Variants in PLEKHA5 observed in about 807,000 individuals in gnomAD.
PLEKHA5 encodes the protein pleckstrin homology domain containing A5.
A neutral mutation model predicts 181.9 loss-of-function variants in PLEKHA5; 55 were observed. That is an observed-to-expected ratio of 0.30 (90% CI 0.24 to 0.38). PLEKHA5 has a LOEUF of 0.38. PLEKHA5 is among the 10% of genes least tolerant of loss of function. The pLI, the probability that PLEKHA5 is intolerant of heterozygous loss-of-function variation, is 1.00. For missense variants in PLEKHA5, 1,432 were observed against 1,549.5 expected (o/e 0.92, Z 1.27); for synonymous variants, 535 against 529.4 (o/e 1.01, Z -0.15).
intron 3 of PLEKHA5, among the ~76,000 whole-genome samples, chr12:19,161,305 C>G (rs568139413): frequency 6.6e-6 from 1 of 152,256 alleles, no homozygotes; most frequent in East Asian, 1.9e-4. Flanking sequence ...CCCTTCCCCC[C>G]ACAGCTTATT....
At chr12:19,261,133 C>T in intron 7 of PLEKHA5, 112 bp downstream of exon 7, 1 of 543,194 alleles carries the variant, frequency 1.8e-6, no homozygotes, top group South Asian at 3.6e-5. Context: ...TTATTATCAA[C>T]AAATAGTATC....
Position 19,241,380 on chromosome 12 carries a change from G to A in PLEKHA5, c.228-12560G>A, listed in dbSNP as rs540317402. 4.4e-4 allele frequency among the ~76,000 whole-genome samples: 67 copies of A among 152,308 alleles called. No individual in the cohort carries two copies. The South Asian group carries it at 0.013, about 30-fold the overall frequency. ...CAATAGTGAAGAGTCTTGTTACAATGAGGTGGATTCAGATGCTGTTAAGAG... is the reference window on the plus strand; with the variant it reads ...CAATAGTGAAGAGTCTTGTTACAATAAGGTGGATTCAGATGCTGTTAAGAG... On this transcript the variant is annotated intron_variant, in intron 3 of 31. Transcript: ENST00000429027.
chr12:19,284,416 C>T (rs1592320754), intron 12 of PLEKHA5, among the ~76,000 whole-genome samples: 1 of 152,132 alleles, frequency 6.6e-6, no homozygotes, highest in African/African-American at 2.4e-5. Flanking sequence ...GGAAATTCTA[C>T]ACCTACTGTC....
intron 3 of PLEKHA5, among the ~76,000 whole-genome samples, chr12:19,192,753 C>A (rs1278106943): frequency 5.9e-5 from 9 of 152,016 alleles, no homozygotes; most frequent in Non-Finnish European, 1.3e-4. Flanking sequence ...AATTAGTAAA[C>A]CTAATCATTA....
chr12:19,345,432 TAAAAA>T (rs1355033826), intron 22 of PLEKHA5, among the ~76,000 whole-genome samples: 95 of 149,684 alleles, frequency 6.3e-4, no homozygotes, highest in African/African-American at 2.1e-3. Context: ...TAAAAATAAA[TAAAAA>T]TAAAAATAAA....
At chr12:19,317,169 C>G (rs1010483975) in intron 16 of PLEKHA5, among the ~76,000 whole-genome samples, 9 of 152,024 alleles carry the variant, frequency 5.9e-5, no homozygotes, top group Non-Finnish European at 1.0e-4. Context: ...GAGTTTGAGA[C>G]TAGCCTGGGC....
chr12:19,177,200 C>G (rs2047512340), intron 3 of PLEKHA5, among the ~76,000 whole-genome samples: 1 of 151,966 alleles, frequency 6.6e-6, no homozygotes, highest in African/African-American at 2.4e-5. Flanking sequence ...GGTAAGAACA[C>G]CTAAAATGTC....
intron 3 of PLEKHA5, among the ~76,000 whole-genome samples, chr12:19,240,389 C>A (rs2062277398): frequency 6.7e-6 from 1 of 148,968 alleles, no homozygotes; most frequent in Non-Finnish European, 1.5e-5. Flanking sequence ...TAATAAACTT[C>A]TATATAATGC....
intron 3 of PLEKHA5, among the ~76,000 whole-genome samples, chr12:19,207,022 A>G (rs1471717811): frequency 2.6e-5 from 4 of 152,176 alleles, no homozygotes; most frequent in Non-Finnish European, 5.9e-5. Context: ...ACAAACAAGT[A>G]TTGCTTTTCC....
intron 3 of PLEKHA5, among the ~76,000 whole-genome samples, chr12:19,194,739 T>G (rs2052211815): frequency 6.6e-6 from 1 of 152,194 alleles, no homozygotes; most frequent in East Asian, 1.9e-4. Flanking sequence ...GATTCAAAGT[T>G]GTATGAACAA....
At chr12:19,357,881 C>T (rs895953442) in intron 26 of PLEKHA5, among the ~76,000 whole-genome samples, 4 of 152,194 alleles carry the variant, frequency 2.6e-5, no homozygotes, top group Non-Finnish European at 4.4e-5. Flanking sequence ...CTCAAGTAAT[C>T]CACCCACCTC....
At chr12:19,362,775 A>G (rs1226049033) in intron 29 of PLEKHA5, among the ~76,000 whole-genome samples, 1 of 152,100 alleles carries the variant, frequency 6.6e-6, no homozygotes, top group Non-Finnish European at 1.5e-5. Context: ...AATTTTAAAA[A>G]GAGAGATAAA....
chr12:19,320,562 C>A lies in PLEKHA5; in HGVS notation c.2155C>A (p.Leu719Met). The A allele has an allele frequency of 6.8e-7, 1 of 1,461,082 alleles. No individual in the cohort carries two copies. The highest frequency in any genetic ancestry group is 9.5e-7 in the Non-Finnish European group (1 of 1,053,844). The allele number at this position is 1,461,082 out of a possible 1,614,324, so 90.5% of individuals were successfully genotyped here. Residue 719 changes from leucine (L) to methionine (M), a missense_variant and splice_region_variant, in exon 18 of 32, where the codon CTG (leucine) becomes ATG (methionine). This residue lies in a region of PLEKHA5 where 1,143 missense variants were observed against 1,168.4 expected (regional missense o/e 0.98). Coordinates refer to ENST00000429027, the MANE Select transcript of PLEKHA5 (RefSeq NM_001256470.2). ...TTGCTATATGATTTTTTTCTTATAG[C>A]TGTCACAAGATGAAGGTAGAGGCAC... ...RQKSKISLYC[L>M]SQDEGRGTLY...
chr12:19,157,078 T>G (rs1263687077), intron 3 of PLEKHA5, among the ~76,000 whole-genome samples: 1 of 102,956 alleles, frequency 9.7e-6, no homozygotes, highest in Non-Finnish European at 1.9e-5. Flanking sequence ...TATATATGGT[T>G]TTTATATCTA....
intron 3 of PLEKHA5, among the ~76,000 whole-genome samples, chr12:19,192,665 C>T (rs1345581648): frequency 6.6e-6 from 1 of 152,158 alleles, no homozygotes; most frequent in African/African-American, 2.4e-5. Flanking sequence ...CAGATGGCAC[C>T]TCTGCAGTGC....
At chr12:19,192,879 G>T (rs2151972390) in intron 3 of PLEKHA5, among the ~76,000 whole-genome samples, 1 of 152,312 alleles carries the variant, frequency 6.6e-6, no homozygotes, top group Admixed American at 6.5e-5. Flanking sequence ...TTAGGGGTTA[G>T]TAACTGTGGC....
chr12:19,179,601 G>A (rs1193024919), intron 3 of PLEKHA5, among the ~76,000 whole-genome samples: 2 of 152,128 alleles, frequency 1.3e-5, no homozygotes, highest in African/African-American at 4.8e-5. Context: ...CAGAGGCTGC[G>A]GTGAGCCAAG....
rs199524525 is a variant in PLEKHA5, at chr12:19,240,440, G to GTTT, written c.228-13483_228-13481dup. ...ATTACAAATTAGCATTCATTAGGGA[G>GTTT]TTTTTTTTTTTTTTTTTTTAAAGAC... On this transcript the variant is annotated intron_variant, in intron 3 of 31. Transcript: ENST00000429027. 2.5e-3 allele frequency among the ~76,000 whole-genome samples: 327 copies of GTTT among 129,028 alleles called. 2 individuals carry two copies. The highest frequency in any genetic ancestry group is 8.3e-3 in the African/African-American group (296 of 35,450). The allele number at this position is 129,028 out of a possible 152,430, so 84.6% of individuals were successfully genotyped here. A position where few individuals can be genotyped will look rare whatever the true frequency, so the allele number is the denominator to read the frequency against.
chr12:19,292,926 G>A (rs927403471), intron 15 of PLEKHA5, among the ~76,000 whole-genome samples: 5 of 152,140 alleles, frequency 3.3e-5, no homozygotes, highest in Admixed American at 2.6e-4. Context: ...GTAACAGAGC[G>A]AGACTCTATC....
Sources: allele counts gnomAD v4.1 joint callset (sites outside exome capture counted in the v4.1 genomes callset), GRCh38; gene constraint gnomAD v4.1.1; regional missense constraint gnomAD v4.1.1; transcripts MANE v1.5; gene names NCBI Gene and HGNC (gene_info 2026-07-23, HGNC 2026-07-21).